DPP10: variants seen among roughly 807,000 people sequenced by gnomAD.
DPP10 encodes the protein dipeptidyl peptidase like 10, also known as inactive dipeptidyl peptidase 10.
In DPP10, 33 loss-of-function variants were observed where a neutral mutation model predicts 120.9. The observed-to-expected ratio is 0.27, with a 90% CI of 0.21 to 0.37. DPP10 has a LOEUF of 0.37. Ranked by LOEUF, DPP10 falls within the 10% of genes least tolerant of loss-of-function variation. DPP10 has a pLI of 1.00. For synonymous variants in DPP10, 337 were observed against 326.1 expected (o/e 1.03, Z -0.36); for missense variants, 816 against 942.8 (o/e 0.87, Z 1.76).
intron 1 of DPP10, among the ~76,000 whole-genome samples, chr2:114,852,733 T>C (rs960352458): frequency 4.6e-5 from 7 of 152,168 alleles, no homozygotes; most frequent in Admixed American, 1.3e-4. Flanking sequence ...CTGCTTTTGA[T>C]CAGAGACTAT....
At chr2:115,700,611 A>G (rs530643556) in intron 7 of DPP10, among the ~76,000 whole-genome samples, 25 of 152,218 alleles carry the variant, frequency 1.6e-4, no homozygotes, top group Non-Finnish European at 3.1e-4. Flanking sequence ...AAAAAAATAA[A>G]ATCAATTCAA....
intron 3 of DPP10, among the ~76,000 whole-genome samples, chr2:115,397,106 G>A (rs1017554779): frequency 3.3e-5 from 5 of 152,174 alleles, no homozygotes; most frequent in Non-Finnish European, 5.9e-5. Context: ...TTGTCTTAGT[G>A]ACTTGATCAC....
chr2:115,512,305 G>T (rs62156660), intron 4 of DPP10, among the ~76,000 whole-genome samples: 78,976 of 151,576 alleles, frequency 0.52, 23,007 homozygotes, highest in Non-Finnish European at 0.67. Flanking sequence ...ATACTATTTT[G>T]CCCAGGCTGG....
In DPP10 at chr2:115,707,421, T is replaced by TACACACAC. The variant is rs35961586; in HGVS notation, c.576+17535_576+17542dup. On this transcript the variant is annotated intron_variant, in intron 7 of 25. Coordinates refer to ENST00000410059, the MANE Select transcript of DPP10 (RefSeq NM_020868.6). ...AATTAAGTAAGAAACAAACAAATTT[T>TACACACAC]ACACACACACACACACACACACACA... Among the ~76,000 whole-genome samples the TACACACAC allele has an allele frequency of 2.0e-3, 280 of 138,800 alleles. 2 individuals carry two copies. Among genetic ancestry groups the TACACACAC allele is most frequent in the South Asian group, 5.0e-3 (21 of 4,188 alleles). 91.1% of individuals were successfully genotyped at this position (138,800 alleles called of 152,430 possible).
chr2:114,671,243 G>A (rs1429298098), intron 1 of DPP10, among the ~76,000 whole-genome samples: 1 of 152,122 alleles, frequency 6.6e-6, no homozygotes, highest in East Asian at 1.9e-4. Context: ...CTAGATTTGT[G>A]TAAGTACGTT....
chr2:114,603,784 A>G (rs1429550556), intron 1 of DPP10, among the ~76,000 whole-genome samples: 1 of 152,092 alleles, frequency 6.6e-6, no homozygotes, highest in Admixed American at 6.6e-5. Flanking sequence ...ACATGGCACC[A>G]TGGAAGGCAG....
intron 11 of DPP10, among the ~76,000 whole-genome samples, chr2:115,762,325 G>C (rs919394345): frequency 6.6e-6 from 1 of 152,004 alleles, no homozygotes; most frequent in African/African-American, 2.4e-5. Context: ...TTCTCTCCCT[G>C]GTGAGGTACT....
intron 5 of DPP10, among the ~76,000 whole-genome samples, chr2:115,689,483 T>C (rs1409481890): frequency 1.3e-5 from 2 of 152,148 alleles, no homozygotes; most frequent in Non-Finnish European, 2.9e-5. Flanking sequence ...TAGAGTGGAT[T>C]AAATAAGCAA....
chr2:114,814,603 G>T (rs1459338873), intron 1 of DPP10, among the ~76,000 whole-genome samples: 1 of 152,068 alleles, frequency 6.6e-6, no homozygotes. Context: ...GTGGTTAGTG[G>T]CTACCGTAGT....
chr2:114,747,920 A>G (rs914428087), intron 1 of DPP10, among the ~76,000 whole-genome samples: 1 of 152,212 alleles, frequency 6.6e-6, no homozygotes, highest in South Asian at 2.1e-4. Context: ...CACTCAAATT[A>G]CGGTCTATCA....
chr2:115,447,626 G>T (rs1184993872), intron 3 of DPP10, among the ~76,000 whole-genome samples: 2 of 152,142 alleles, frequency 1.3e-5, no homozygotes, highest in Admixed American at 6.5e-5. Context: ...CATAGGATCT[G>T]ATGGTTTTAT....
chr2:115,639,986 A>ATTATTTT, intron 5 of DPP10, among the ~76,000 whole-genome samples: 1 of 151,344 alleles, frequency 6.6e-6, no homozygotes. Context: ...TAGAGAAGAT[A>ATTATTTT]AAATTCAGGC....
chr2:115,377,497 T>C (rs2065905383), intron 3 of DPP10, among the ~76,000 whole-genome samples: 1 of 152,170 alleles, frequency 6.6e-6, no homozygotes, highest in African/African-American at 2.4e-5. Context: ...TCCCATTCTG[T>C]AGGTTGCCTG....
chr2:115,193,267 C>G (rs1299260294), intron 1 of DPP10, among the ~76,000 whole-genome samples: 5 of 152,066 alleles, frequency 3.3e-5, no homozygotes, highest in Non-Finnish European at 7.4e-5. Context: ...TACTTTCGGA[C>G]AAGAATTTAC....
chr2:114,478,971 T>G (rs575596730), intron 1 of DPP10, among the ~76,000 whole-genome samples: 505 of 39,356 alleles, frequency 0.013, 24 homozygotes, highest in African/African-American at 0.052. Flanking sequence ...AAATTAAGCA[T>G]GTACAGAATC....
intron 7 of DPP10, among the ~76,000 whole-genome samples, chr2:115,693,706 A>T (rs1014159444): frequency 1.1e-4 from 16 of 152,108 alleles, no homozygotes; most frequent in African/African-American, 3.9e-4. Flanking sequence ...AATACTAAAA[A>T]TGTATAAAAA....
At chr2:115,332,948 G>T (rs1271601421) in intron 2 of DPP10, among the ~76,000 whole-genome samples, 1 of 152,108 alleles carries the variant, frequency 6.6e-6, no homozygotes, top group Non-Finnish European at 1.5e-5. Flanking sequence ...TCCACTTGGT[G>T]CAGTGCTGCG....
chr2:114,457,356 T>C (rs377103767), intron 1 of DPP10, among the ~76,000 whole-genome samples: 1 of 152,142 alleles, frequency 6.6e-6, no homozygotes, highest in African/African-American at 2.4e-5. Context: ...CTTCCCCAGC[T>C]GTGACAATGA....
intron 1 of DPP10, among the ~76,000 whole-genome samples, chr2:114,907,375 T>C (rs1226962193): frequency 6.6e-6 from 1 of 152,032 alleles, no homozygotes; most frequent in African/African-American, 2.4e-5. Context: ...TCCTGTCTCT[T>C]AGCAAGAAAA....
Sources: gnomAD v4.1 joint callset for allele counts (sites outside exome capture counted in the v4.1 genomes callset) on GRCh38, gnomAD v4.1.1 for gene constraint, MANE v1.5 for transcripts, NCBI Gene and HGNC (gene_info 2026-07-23, HGNC 2026-07-21) for gene names.